AADAT: variants seen among roughly 807,000 people sequenced by gnomAD.
The protein encoded by AADAT is kynurenine/alpha-aminoadipate aminotransferase, mitochondrial.
A neutral mutation model predicts 56.2 loss-of-function variants in AADAT; 25 were observed. That is an observed-to-expected ratio of 0.44 (90% CI 0.32 to 0.62). AADAT has a LOEUF of 0.62. Among genes scored for constraint, AADAT ranks in the 20% least tolerant of loss-of-function variants. AADAT has a pLI of 0.04. For synonymous variants in AADAT, 173 were observed against 164.7 expected, an observed-to-expected ratio of 1.05 and a Z score of -0.39; for missense variants, 387 against 510.5, an observed-to-expected ratio of 0.76 and a Z score of 2.33.
At chr4:170,087,075 T>C in intron 3 of AADAT, 41 bp downstream of exon 3, 1 of 1,611,602 alleles carries the variant, frequency 6.2e-7, no homozygotes, top group Non-Finnish European at 8.5e-7. Flanking sequence ...AATGAATGCT[T>C]CCAATTCTAC....
chr4:170,089,951 G>A lies in AADAT; in HGVS notation c.-261C>T, dbSNP rs1732753083. ...GCCCGGCAAAGTCCACGCCGCACGC[G>A]CTCCTGCGGCCGCCAGGGCCCAGGC... On this transcript the variant is annotated 5_prime_UTR_variant, in exon 1 of 13. Coordinates refer to ENST00000337664, the MANE Select transcript of AADAT (RefSeq NM_016228.4). The A allele has an allele frequency of 1.0e-5, 3 of 299,776 alleles. No homozygotes were observed. The highest frequency in any genetic ancestry group is 1.8e-5 in the Non-Finnish European group (3 of 163,344). 18.6% of individuals were successfully genotyped at this position (299,776 alleles called of 1,614,324 possible).
At chr4:170,087,858 G>C (rs17628883) in intron 2 of AADAT, among the ~76,000 whole-genome samples, 3 of 151,516 alleles carry the variant, frequency 2.0e-5, no homozygotes, top group Non-Finnish European at 4.4e-5. Context: ...GAACCTATGA[G>C]GGCAATGTAT....
chr4:170,073,490 G>C, intron 4 of AADAT, 145 bp from the exon 5 acceptor site: 1 of 682,432 alleles, frequency 1.5e-6, no homozygotes, highest in South Asian at 2.1e-5. Flanking sequence ...GCTCCTGAGG[G>C]TTGAGGTTAC....
At chr4:170,067,075 C>T (rs1330028290) in intron 9 of AADAT, among the ~76,000 whole-genome samples, 1 of 152,024 alleles carries the variant, frequency 6.6e-6, no homozygotes, top group East Asian at 1.9e-4. Flanking sequence ...AAATCTTAAC[C>T]TGGTGGGAAT....
upstream of AADAT, among the ~76,000 whole-genome samples, chr4:170,092,237 T>TG (rs1732878441): frequency 1.1e-4 from 17 of 152,390 alleles, no homozygotes; most frequent in Admixed American, 1.0e-3. Context: ...ATCTTGCTGC[T>TG]GCTGACTCTT....
chr4:170,073,790 C>T (rs1403463070), intron 4 of AADAT, among the ~76,000 whole-genome samples: 1 of 152,178 alleles, frequency 6.6e-6, no homozygotes, highest in Admixed American at 6.5e-5. Flanking sequence ...TGAGCTGCCA[C>T]GCCCCTGGGG....
At chr4:170,062,960 T>C (rs1442702303) in intron 11 of AADAT, among the ~76,000 whole-genome samples, 1 of 151,182 alleles carries the variant, frequency 6.6e-6, no homozygotes, top group African/African-American at 2.4e-5. Flanking sequence ...TATTGCTTAT[T>C]AAGTCTTTGA....
At chr4:170,081,288 A>C (rs973238294) in intron 3 of AADAT, among the ~76,000 whole-genome samples, 3 of 151,780 alleles carry the variant, frequency 2.0e-5, no homozygotes, top group African/African-American at 7.2e-5. Flanking sequence ...AAAAGAACAA[A>C]GAGTGCCTAC....
chr4:170,089,064 G>C (rs570276005), intron 1 of AADAT, among the ~76,000 whole-genome samples: 1 of 152,180 alleles, frequency 6.6e-6, no homozygotes, highest in African/African-American at 2.4e-5. Flanking sequence ...AATGGACTAA[G>C]ACAAAAGCTA....
intron 4 of AADAT, among the ~76,000 whole-genome samples, chr4:170,073,834 C>A (rs1731909160): frequency 1.3e-5 from 2 of 152,178 alleles, no homozygotes; most frequent in Non-Finnish European, 2.9e-5. Context: ...TACCTCCTGT[C>A]CCTTCCCAGA....
At chr4:170,073,501 A>G (rs1256577644) in intron 4 of AADAT, among the ~76,000 whole-genome samples, 156 bp from the exon 5 acceptor site, 1 of 151,156 alleles carries the variant, frequency 6.6e-6, no homozygotes, top group Non-Finnish European at 1.5e-5. Flanking sequence ...TTGAGGTTAC[A>G]CATTTATTTA....
intron 3 of AADAT, among the ~76,000 whole-genome samples, chr4:170,084,453 G>A (rs573870826): frequency 6.6e-6 from 1 of 152,268 alleles, no homozygotes; most frequent in East Asian, 1.9e-4. Context: ...GACAATCTTT[G>A]TAAATTATGT....
intron 4 of AADAT, among the ~76,000 whole-genome samples, chr4:170,077,361 TTTC>T (rs1251722641): frequency 6.6e-6 from 1 of 152,230 alleles, no homozygotes; most frequent in Non-Finnish European, 1.5e-5. Flanking sequence ...TTTTGCTTAA[TTTC>T]TTTCAGCAAA....
At chr4:170,081,493 A>G (rs1406461377) in intron 3 of AADAT, among the ~76,000 whole-genome samples, 3 of 152,174 alleles carry the variant, frequency 2.0e-5, no homozygotes, top group Non-Finnish European at 4.4e-5. Context: ...AAATAAAACT[A>G]CCTCAAGGCA....
intron 8 of AADAT, among the ~76,000 whole-genome samples, chr4:170,068,083 G>A (rs1357615973): frequency 6.8e-6 from 1 of 147,380 alleles, no homozygotes; most frequent in East Asian, 2.0e-4. Flanking sequence ...AGGTTGCAGT[G>A]AGCCAAGGTC....
rs1331457187 is a variant in AADAT, at chr4:170,060,370, T to C, written c.*558A>G. On this transcript the variant is annotated 3_prime_UTR_variant, in exon 13 of 13. Transcript: ENST00000337664. ...TAAATTTTCCTAAAAGTAGAAAAAG[T>C]ACACATTATATACCATTTTGCACTT... is the stretch of plus-strand genomic sequence containing the variant. 6.6e-6 allele frequency: 1 copy of C among 152,224 alleles called. No individual in the cohort carries two copies. Among genetic ancestry groups the C allele is most frequent in the Non-Finnish European group, 1.5e-5 (1 of 68,030 alleles). 9.4% of individuals were successfully genotyped at this position (152,224 alleles called of 1,614,324 possible).
At chr4:170,072,410 C>T (rs1216711412) in intron 5 of AADAT, among the ~76,000 whole-genome samples, 2 of 152,068 alleles carry the variant, frequency 1.3e-5, no homozygotes, top group Non-Finnish European at 2.9e-5. Context: ...GCTGGGATTA[C>T]AGGCGTGAGC....
chr4:170,073,379 T>C (rs1731867136), intron 4 of AADAT, 34 bp from the exon 5 acceptor site: 1 of 1,566,892 alleles, frequency 6.4e-7, no homozygotes. Flanking sequence ...GAGTCAGTCA[T>C]GATTACAAAT....
Position 170,060,813 on chromosome 4 carries a change from G to T in AADAT, c.*115C>A. 1.3e-6 allele frequency: 1 copy of T among 784,442 alleles called. No homozygotes were observed. Among genetic ancestry groups the T allele is most frequent in the Non-Finnish European group, 2.0e-6 (1 of 510,510 alleles). The allele number at this position is 784,442 out of a possible 1,614,324, so 48.6% of individuals were successfully genotyped here. A position where few individuals can be genotyped will look rare whatever the true frequency, so the allele number is the denominator to read the frequency against. ...CATGCAGGCCAGAGTGCAGTGGTGT[G>T]ATCGTAGCTTACTGCAGCCTTGAAT... On this transcript the variant is annotated 3_prime_UTR_variant, in exon 13 of 13. Transcript: ENST00000337664.
Sources: gnomAD v4.1 joint callset for allele counts (sites outside exome capture counted in the v4.1 genomes callset) on GRCh38, gnomAD v4.1.1 for gene constraint, MANE v1.5 for transcripts, NCBI Gene and HGNC (gene_info 2026-07-23, HGNC 2026-07-21) for gene names.